The following CPNE5 variants were observed in gnomAD, a reference collection of about 807,000 sequenced individuals.
CPNE5 encodes copine-5.
CPNE5 carries 42 observed loss-of-function variants against 81.1 expected under a neutral mutation model. The observed-to-expected ratio is 0.52, with a 90% confidence interval of 0.40 to 0.67. The LOEUF (loss-of-function observed/expected upper bound fraction) is 0.67, where lower values mean the gene tolerates loss of function less well. Ranked by LOEUF, CPNE5 falls within the 30% of genes least tolerant of loss-of-function variation. CPNE5 has a pLI of 0.00. For synonymous variants in CPNE5, 313 were observed against 321.5 expected (o/e 0.97, Z 0.28); for missense variants, 612 against 815.5 (o/e 0.75, Z 3.04).
At chr6:36,820,553 A>G (rs932599594) in intron 3 of CPNE5, among the ~76,000 whole-genome samples, 5 of 151,800 alleles carry the variant, frequency 3.3e-5, no homozygotes, top group Non-Finnish European at 7.4e-5. Flanking sequence ...TTAAGCACCT[A>G]CTGTGTGCTG....
chr6:36,792,393 C>T (rs1403614494), intron 7 of CPNE5: 1 of 1,457,266 alleles, frequency 6.9e-7, no homozygotes, highest in East Asian at 3.0e-5. Context: ...CATCCAGACT[C>T]ACCCGGAGGC....
intron 17 of CPNE5, 112 bp from the exon 18 acceptor site, chr6:36,745,262 T>A: frequency 7.0e-7 from 1 of 1,429,488 alleles, no homozygotes; most frequent in Non-Finnish European, 9.6e-7. Flanking sequence ...GGGAATCTCT[T>A]CAGGGTCAGG....
chr6:36,805,146 T>C (rs930509373), intron 3 of CPNE5, among the ~76,000 whole-genome samples: 2 of 152,184 alleles, frequency 1.3e-5, no homozygotes, highest in Non-Finnish European at 2.9e-5. Context: ...GCTGCTGTAT[T>C]TCATTCTACA....
At chr6:36,804,853 G>C (rs1219328269) in intron 3 of CPNE5, among the ~76,000 whole-genome samples, 1 of 152,186 alleles carries the variant, frequency 6.6e-6, no homozygotes, top group Non-Finnish European at 1.5e-5. Context: ...ATAACTCCTA[G>C]AGCAGGAAAG....
intron 1 of CPNE5, among the ~76,000 whole-genome samples, chr6:36,837,851 C>A (rs555931234): frequency 6.6e-6 from 1 of 152,036 alleles, no homozygotes; most frequent in Non-Finnish European, 1.5e-5. Context: ...CAGGGATGTG[C>A]GTGCAGGAGA....
chr6:36,816,711 A>G (rs1771575724), intron 3 of CPNE5, among the ~76,000 whole-genome samples: 1 of 152,152 alleles, frequency 6.6e-6, no homozygotes, highest in Admixed American at 6.5e-5. Flanking sequence ...TCCATTCCTG[A>G]TACTTTCCTC....
intron 10 of CPNE5, among the ~76,000 whole-genome samples, chr6:36,769,983 T>G (rs1051674123): frequency 6.6e-6 from 1 of 152,196 alleles, no homozygotes; most frequent in African/African-American, 2.4e-5. Context: ...AGCATCAAGG[T>G]GTGAGCAGCC....
chr6:36,742,662 A>G (rs1763669676), intron 20 of CPNE5, 176 bp from the exon 21 acceptor site: 1 of 982,510 alleles, frequency 1.0e-6, no homozygotes. Flanking sequence ...GGGTTTGGGC[A>G]GTCAGTAACT....
intron 1 of CPNE5, among the ~76,000 whole-genome samples, chr6:36,828,510 C>G (rs1293478152): frequency 2.6e-5 from 4 of 152,084 alleles, no homozygotes; most frequent in Non-Finnish European, 5.9e-5. Flanking sequence ...CTGGTTGTCT[C>G]TAAACAAAGC....
At chr6:36,765,187 A>G (rs1445934478) in intron 11 of CPNE5, 148 bp downstream of exon 11, 1 of 463,862 alleles carries the variant, frequency 2.2e-6, no homozygotes, top group Non-Finnish European at 3.8e-6. Flanking sequence ...CCCCTCCCCC[A>G]CCCTCCACAC....
intron 3 of CPNE5, among the ~76,000 whole-genome samples, chr6:36,819,996 C>A (rs1481348213): frequency 6.6e-6 from 1 of 152,238 alleles, no homozygotes; most frequent in South Asian, 2.1e-4. Flanking sequence ...TCAGCTCCGC[C>A]GCTCAGCAAG....
intron 12 of CPNE5, among the ~76,000 whole-genome samples, chr6:36,756,522 G>A (rs1291111280): frequency 1.3e-5 from 2 of 152,126 alleles, no homozygotes; most frequent in East Asian, 3.8e-4. Flanking sequence ...AGGGTCCCAC[G>A]ATCAACCGGG....
chr6:36,822,746 C>T (rs781519599), intron 2 of CPNE5, among the ~76,000 whole-genome samples: 16 of 152,248 alleles, frequency 1.1e-4, no homozygotes, highest in South Asian at 2.1e-4. Flanking sequence ...AACCAGTGCT[C>T]ATCCCACCAG....
At chr6:36,781,134 G>A (rs572653976) in intron 8 of CPNE5, among the ~76,000 whole-genome samples, 5 of 152,276 alleles carry the variant, frequency 3.3e-5, no homozygotes, top group South Asian at 2.1e-4. Context: ...CTGTAAGCAC[G>A]GGTGGTGCTG....
chr6:36,799,779 C>G (rs1372103914), intron 4 of CPNE5, among the ~76,000 whole-genome samples, 188 bp downstream of exon 4: 1 of 152,210 alleles, frequency 6.6e-6, no homozygotes, highest in Non-Finnish European at 1.5e-5. Context: ...TGTTCTCTCT[C>G]TTCTTCCCCC....
At position 36,798,458 on chromosome 6, in the gene CPNE5, T is replaced by C; in HGVS notation, c.324A>G (p.Lys108=). 6.2e-7 allele frequency: 1 copy of C among 1,614,008 alleles called. No individual in the cohort carries two copies. Residue 108 remains lysine, a synonymous_variant, in exon 5 of 21, where the codon AAA becomes AAG. Transcript: ENST00000244751. ...DVDSKSPDLS[K]HDFLGQAFCT... ...AGCAGTTACTGGCAGAACTCACGTG[T>C]TTGGATAAATCAGGACTCTTAGAGT...
intron 3 of CPNE5, among the ~76,000 whole-genome samples, chr6:36,817,185 C>T (rs1328451706): frequency 2.0e-5 from 3 of 152,004 alleles, no homozygotes; most frequent in African/African-American, 2.4e-5. Flanking sequence ...ATTAGCTGGG[C>T]GTGGTGGTGC....
chr6:36,776,861 G>T lies in CPNE5; in HGVS notation c.633-1796C>A, dbSNP rs967258681. ...TCACTGACCTTCCTCCTAACTGGGG[G>T]TGTCTCTGCAGGCCTTCCACTCCTT... On this transcript the variant is annotated intron_variant, in intron 9 of 20. Coordinates refer to ENST00000244751, the MANE Select transcript of CPNE5 (RefSeq NM_020939.2). Among the ~76,000 whole-genome samples, 9 of 152,232 alleles carry T rather than the reference G, an allele frequency of 5.9e-5. No homozygotes were observed. In the East Asian group the frequency reaches 1.7e-3, roughly 29 times the overall value.
At chr6:36,825,002 G>T (rs572987941) in intron 1 of CPNE5, among the ~76,000 whole-genome samples, 1 of 152,282 alleles carries the variant, frequency 6.6e-6, no homozygotes, top group South Asian at 2.1e-4. Context: ...AGGAGGATCT[G>T]TTCCTCTTTC....
Sources: allele counts gnomAD v4.1 joint callset (sites outside exome capture counted in the v4.1 genomes callset), GRCh38; gene constraint gnomAD v4.1.1; transcripts MANE v1.5; gene names NCBI Gene and HGNC (gene_info 2026-07-23, HGNC 2026-07-21).